The following CFAP43 variants were observed in gnomAD, a reference collection of about 807,000 sequenced individuals.
The protein encoded by CFAP43 is cilia- and flagella-associated protein 43.
In CFAP43, 155 loss-of-function variants were observed where a neutral mutation model predicts 218.9. The ratio of observed to expected loss-of-function variants is 0.71; its 90% CI spans 0.62 to 0.81. The LOEUF (loss-of-function observed/expected upper bound fraction) is 0.81. Among genes scored for constraint, CFAP43 ranks in the 30% least tolerant of loss-of-function variants. The pLI is 0.00. For missense variants in CFAP43, 1,778 were observed against 1,954.3 expected (o/e 0.91, Z 1.70); for synonymous variants, 645 against 681.3 (o/e 0.95, Z 0.83).
At chr10:104,168,926 CTAAG>C in intron 20 of CFAP43, 78 bp from the exon 21 acceptor site, 1 of 1,206,450 alleles carries the variant, frequency 8.3e-7, no homozygotes, top group Non-Finnish European at 1.2e-6. Context: ...TGTAAACTCA[CTAAG>C]TAGCCATTAA....
chr10:104,231,978 G>A (rs977823482), intron 1 of CFAP43, among the ~76,000 whole-genome samples: 2 of 152,010 alleles, frequency 1.3e-5, no homozygotes, highest in Non-Finnish European at 2.9e-5. Context: ...ACTGGGGACG[G>A]GGTCAAGGAA....
intron 18 of CFAP43, 140 bp from the exon 19 acceptor site, chr10:104,179,246 C>G (rs1461963567): frequency 3.3e-6 from 2 of 600,936 alleles, no homozygotes; most frequent in Non-Finnish European, 5.6e-6. Context: ...GAAGTAATAC[C>G]ACTGCAGTAC....
intron 3 of CFAP43, among the ~76,000 whole-genome samples, chr10:104,216,008 T>C (rs2091001853): frequency 6.6e-6 from 1 of 152,114 alleles, no homozygotes; most frequent in Admixed American, 6.6e-5. Flanking sequence ...GCCTGACTTC[T>C]TCCTGCCAAC....
intron 2 of CFAP43, among the ~76,000 whole-genome samples, 196 bp downstream of exon 2, chr10:104,230,394 G>A (rs563225202): frequency 6.6e-6 from 1 of 152,244 alleles, no homozygotes; most frequent in Non-Finnish European, 1.5e-5. Flanking sequence ...GAACCTGGGA[G>A]GCAGAGATTG....
At chr10:104,213,671 G>A (rs1267859877) in intron 4 of CFAP43, among the ~76,000 whole-genome samples, 1 of 152,094 alleles carries the variant, frequency 6.6e-6, no homozygotes, top group Non-Finnish European at 1.5e-5. Context: ...GAGTAGCTGG[G>A]ACTACAAGCA....
rs17116647 is a variant in CFAP43 at position 104,196,752 on chromosome 10, G to T, written c.1293+101C>A. 1.7e-5 allele frequency: 16 copies of T among 968,880 alleles called. No individual in the cohort carries two copies. In the African/African-American group the frequency reaches 2.0e-4, roughly 12 times the overall value. 60.0% of individuals were successfully genotyped at this position (968,880 alleles called of 1,614,324 possible). A position where few individuals can be genotyped will look rare whatever the true frequency, so the allele number is the denominator to read the frequency against. Reference sequence around the variant, plus strand: ...GAAGGCAAAAATGCAGTGAGGCTTCGGTAACAAGTATTTCTACAGACTATT... The same window carrying T: ...GAAGGCAAAAATGCAGTGAGGCTTCTGTAACAAGTATTTCTACAGACTATT... On this transcript the variant is annotated intron_variant, in intron 10 of 37. Coordinates refer to ENST00000357060, the MANE Select transcript of CFAP43 (RefSeq NM_025145.7).
At chr10:104,141,060 A>T in intron 33 of CFAP43, 59 bp from the exon 34 acceptor site, 1 of 1,488,678 alleles carries the variant, frequency 6.7e-7, no homozygotes. Context: ...TTCACCTATT[A>T]TCTGAGAATA....
intron 3 of CFAP43, among the ~76,000 whole-genome samples, chr10:104,222,969 C>A (rs11191953): frequency 2.0e-5 from 3 of 152,138 alleles, no homozygotes; most frequent in Non-Finnish European, 4.4e-5. Context: ...GACAGTTAAT[C>A]TTTTTAGCTT....
chr10:104,212,760 T>G (rs1471062404), intron 4 of CFAP43, among the ~76,000 whole-genome samples: 1 of 152,206 alleles, frequency 6.6e-6, no homozygotes, highest in African/African-American at 2.4e-5. Flanking sequence ...TATAATATGG[T>G]TATAAAGGTT....
At chr10:104,194,093 T>C in intron 10 of CFAP43, 79 bp from the exon 11 acceptor site, 1 of 1,508,600 alleles carries the variant, frequency 6.6e-7, no homozygotes, top group Non-Finnish European at 8.9e-7. Context: ...TACAGTGTAC[T>C]TGAAAAGCCT....
Position 104,161,209 on chromosome 10 carries a change from CA to C in CFAP43, c.3415-48del, listed in dbSNP as rs746152251. 1.1e-5 allele frequency: 18 copies of C among 1,576,362 alleles called. No individual in the cohort carries two copies. In the Admixed American group the frequency reaches 2.4e-4, roughly 21 times the overall value. ...TATATTTCAGCTCAAACGTTAAATG[CA>C]GTAGTACAGTAAAAGCTCAGAGTTT... On this transcript the variant is annotated intron_variant, in intron 26 of 37. Transcript: ENST00000357060.
intron 2 of CFAP43, among the ~76,000 whole-genome samples, chr10:104,227,388 C>A (rs1389276850): frequency 1.3e-5 from 2 of 152,160 alleles, no homozygotes; most frequent in East Asian, 1.9e-4. Context: ...AATTTATAGT[C>A]CCACCTTCAG....
At chr10:104,204,559 C>T (rs2090624759) in intron 7 of CFAP43, among the ~76,000 whole-genome samples, 1 of 152,164 alleles carries the variant, frequency 6.6e-6, no homozygotes, top group South Asian at 2.1e-4. Context: ...CTCCATCACT[C>T]ACCAGAGCAA....
At chr10:104,230,969 C>A in intron 1 of CFAP43, 126 bp from the exon 2 acceptor site, 1 of 1,075,924 alleles carries the variant, frequency 9.3e-7, no homozygotes, top group South Asian at 1.9e-5. Context: ...CCCCCAATTT[C>A]TAAGATAAAA....
At chr10:104,179,542 C>T (rs939720070) in intron 18 of CFAP43, among the ~76,000 whole-genome samples, 2 of 152,190 alleles carry the variant, frequency 1.3e-5, no homozygotes, top group African/African-American at 4.8e-5. Flanking sequence ...TCCCCTAAAA[C>T]TCACTCCACG....
Position 104,182,473 on chromosome 10 carries a change from A to G in CFAP43, c.2182T>C (p.Tyr728His). 2 of 1,611,886 alleles carry G rather than the reference A, an allele frequency of 1.2e-6. No individual in the cohort carries two copies. Among genetic ancestry groups the G allele is most frequent in the Non-Finnish European group, 8.5e-7 (1 of 1,179,326 alleles). The change falls in exon 17 of 38, where the codon TAC becomes CAC. Residue 728 changes from tyrosine (Y) to histidine (H), a missense_variant. Around this residue, in one of 3 missense-constraint regions of CFAP43, gnomAD observed 1,553 missense variants for 1,685.2 expected, o/e 0.92. Transcript: ENST00000357060. ...CTCAGGGAAATTAATAGTTTCTGGT[A>G]ATAGTCCAGAATTTCACTGGCTAGG... ...GHLASEILDY[Y>H]QKLLISLSSA...
At chr10:104,187,811 C>A (rs570360944) in intron 13 of CFAP43, among the ~76,000 whole-genome samples, 1 of 152,282 alleles carries the variant, frequency 6.6e-6, no homozygotes, top group South Asian at 2.1e-4. Context: ...GTTGTCGGCT[C>A]TCTTCTGCTC....
chr10:104,193,228 A>G (rs779302584), intron 11 of CFAP43: 1 of 152,240 alleles, frequency 6.6e-6, no homozygotes, highest in Non-Finnish European at 1.5e-5. Flanking sequence ...TTTTTAAAAA[A>G]TGATAGTATA....
intron 12 of CFAP43, 22 bp from the exon 13 acceptor site, chr10:104,188,432 C>A: frequency 6.2e-7 from 1 of 1,610,010 alleles, no homozygotes; most frequent in Non-Finnish European, 8.5e-7. Context: ...CAGAGATCAA[C>A]ACCACAAGTG....
Sources: gnomAD v4.1 joint callset for allele counts (sites outside exome capture counted in the v4.1 genomes callset) on GRCh38, gnomAD v4.1.1 for gene constraint, gnomAD v4.1.1 regional missense constraint, MANE v1.5 for transcripts, NCBI Gene and HGNC (gene_info 2026-07-23, HGNC 2026-07-21) for gene names.